The following CTNNAL1 variants were observed in gnomAD, a reference collection of about 807,000 sequenced individuals.
CTNNAL1 encodes the protein alpha-catulin.
CTNNAL1 carries 69 observed loss-of-function variants against 93.6 expected under a neutral mutation model. The ratio of observed to expected loss-of-function variants is 0.74; its 90% CI spans 0.61 to 0.90. The LOEUF (loss-of-function observed/expected upper bound fraction) is 0.90. CTNNAL1 is among the 40% of genes least tolerant of loss of function. The pLI, the probability that CTNNAL1 is intolerant of heterozygous loss-of-function variation, is 0.00. For missense variants in CTNNAL1, 836 were observed against 862.0 expected (o/e 0.97, Z 0.38); for synonymous variants, 286 against 305.4 (o/e 0.94, Z 0.66).
intron 12 of CTNNAL1, among the ~76,000 whole-genome samples, chr9:108,953,506 A>G (rs1830617545): frequency 6.9e-6 from 1 of 145,118 alleles, no homozygotes; most frequent in Non-Finnish European, 1.6e-5. Flanking sequence ...CTGCACACAC[A>G]GTATAAATTA....
chr9:108,965,243 G>A, intron 11 of CTNNAL1, 135 bp downstream of exon 11: 1 of 661,944 alleles, frequency 1.5e-6, no homozygotes, highest in Admixed American at 3.6e-5. Context: ...ATTTTTTTGT[G>A]AACAATATTT....
intron 2 of CTNNAL1, among the ~76,000 whole-genome samples, chr9:108,995,224 T>C (rs1272651395): frequency 1.3e-5 from 2 of 152,186 alleles, no homozygotes; most frequent in African/African-American, 4.8e-5. Context: ...CCTTAAGGCA[T>C]ACAGAAAGGG....
At chr9:109,002,354 G>A (rs1028311994) in intron 1 of CTNNAL1, among the ~76,000 whole-genome samples, 5 of 152,146 alleles carry the variant, frequency 3.3e-5, no homozygotes, top group Non-Finnish European at 7.4e-5. Context: ...CCATCATTAT[G>A]AGGATTAAGT....
chr9:109,012,574 G>C (rs1405245075), intron 1 of CTNNAL1, among the ~76,000 whole-genome samples: 2 of 152,168 alleles, frequency 1.3e-5, no homozygotes, highest in Admixed American at 1.3e-4. Context: ...TCAGGGCGTC[G>C]GTTAGCTGAT....
intron 9 of CTNNAL1, among the ~76,000 whole-genome samples, chr9:108,972,099 C>T (rs1587962076): frequency 2.0e-5 from 3 of 152,234 alleles, no homozygotes; most frequent in Middle Eastern, 3.4e-3. Context: ...ATGCTCCTCC[C>T]GGGAGGGTCA....
chr9:108,965,004 C>T lies in CTNNAL1; in HGVS notation c.1591+374G>A, dbSNP rs998995814. Among the ~76,000 whole-genome samples, 6 of 152,118 alleles carry T rather than the reference C, an allele frequency of 3.9e-5. No individual in the cohort carries two copies. In the South Asian group the frequency reaches 6.2e-4, roughly 16 times the overall value. On this transcript the variant is annotated intron_variant, in intron 11 of 18. Transcript: ENST00000325551. ...CAGCCGTAGTATCTGGGATTACAGG[C>T]GCACATCAACACATTCGGCTAATTT...
intron 14 of CTNNAL1, 50 bp from the exon 15 acceptor site, chr9:108,948,284 A>T (rs1258187865): frequency 6.4e-7 from 1 of 1,551,312 alleles, no homozygotes; most frequent in African/African-American, 1.4e-5. Context: ...ATTACCTGAA[A>T]ATTGACTTTA....
chr9:109,009,893 C>T (rs10979656), intron 1 of CTNNAL1, among the ~76,000 whole-genome samples: 2,606 of 152,290 alleles, frequency 0.017, 46 homozygotes, highest in East Asian at 0.093. Flanking sequence ...AGTTTGACCA[C>T]TTTTGCTGTG....
chr9:108,974,268 A>C (rs1046016381), intron 8 of CTNNAL1, among the ~76,000 whole-genome samples: 2 of 152,226 alleles, frequency 1.3e-5, no homozygotes, highest in Non-Finnish European at 2.9e-5. Flanking sequence ...GTTTATCACA[A>C]GGAGATCATC....
chr9:108,992,199 C>A, intron 3 of CTNNAL1: 1 of 574,560 alleles, frequency 1.7e-6, no homozygotes, highest in Non-Finnish European at 3.1e-6. Context: ...TACCAATAAG[C>A]CTTAACAAGT....
chr9:109,002,859 G>T (rs1375337188), intron 1 of CTNNAL1, among the ~76,000 whole-genome samples: 1 of 152,020 alleles, frequency 6.6e-6, no homozygotes, highest in Non-Finnish European at 1.5e-5. Flanking sequence ...CAGGTATGGT[G>T]GTGCATGGCT....
chr9:108,997,359 A>T (rs750781899), intron 2 of CTNNAL1, among the ~76,000 whole-genome samples: 6 of 152,136 alleles, frequency 3.9e-5, no homozygotes, highest in Non-Finnish European at 8.8e-5. Context: ...TTCAGTCTCA[A>T]CCTTCTCTCA....
chr9:108,986,926 T>G (rs1268579937), intron 4 of CTNNAL1, among the ~76,000 whole-genome samples: 1 of 152,246 alleles, frequency 6.6e-6, no homozygotes, highest in Non-Finnish European at 1.5e-5. Flanking sequence ...TTCTGTATAT[T>G]AGCCCTTTGT....
At chr9:109,008,152 C>CTTTTTTTTTTTTTTTTTTT (rs149753320) in intron 1 of CTNNAL1, among the ~76,000 whole-genome samples, 1 of 85,292 alleles carries the variant, frequency 1.2e-5, no homozygotes, top group Non-Finnish European at 2.2e-5. Flanking sequence ...ATCCATCTTT[C>CTTTTTTTTTTTTTTTTTTT]TTTTTTTTTT....
At chr9:108,949,973 G>T (rs1239868341) in intron 14 of CTNNAL1, among the ~76,000 whole-genome samples, 2 of 147,858 alleles carry the variant, frequency 1.4e-5, no homozygotes, top group African/African-American at 2.5e-5. Context: ...GCAGTGAGCC[G>T]AGATCATGCC....
intron 11 of CTNNAL1, among the ~76,000 whole-genome samples, chr9:108,959,981 A>G (rs1465770837): frequency 6.6e-6 from 1 of 152,218 alleles, no homozygotes. Flanking sequence ...TACAAAATAA[A>G]TCGAATTCCC....
intron 4 of CTNNAL1, among the ~76,000 whole-genome samples, chr9:108,988,610 C>T (rs1040321784): frequency 1.3e-5 from 2 of 152,228 alleles, no homozygotes; most frequent in African/African-American, 4.8e-5. Flanking sequence ...AGTCCTTACA[C>T]AGTTTGGCCT....
Position 108,959,687 on chromosome 9 carries a change from GA to G in CTNNAL1, c.1592-3861del, listed in dbSNP as rs796420193. Among the ~76,000 whole-genome samples, 82 of 152,214 alleles carry G rather than the reference GA, an allele frequency of 5.4e-4. 3 individuals carry two copies. The highest frequency in any genetic ancestry group is 1.9e-3 in the African/African-American group (80 of 41,524). ...ATATTATAAACATTAAAAATAGTTG[GA>G]AAAACAGGACTATTTGGAGAAAATA... On this transcript the variant is annotated intron_variant, in intron 11 of 18. Transcript: ENST00000325551.
At chr9:108,971,579 CT>C (rs761262604) in intron 9 of CTNNAL1, among the ~76,000 whole-genome samples, 14 of 152,336 alleles carry the variant, frequency 9.2e-5, no homozygotes, top group South Asian at 2.1e-4. Context: ...AGTTCCCCCC[CT>C]GTACATACTT....
Sources: gnomAD v4.1 joint callset for allele counts (sites outside exome capture counted in the v4.1 genomes callset) on GRCh38, gnomAD v4.1.1 for gene constraint, MANE v1.5 for transcripts, NCBI Gene and HGNC (gene_info 2026-07-23, HGNC 2026-07-21) for gene names.